IL1RAPL2: variants seen among roughly 807,000 people sequenced by gnomAD.
IL1RAPL2 encodes the protein X-linked interleukin-1 receptor accessory protein-like 2.
In IL1RAPL2, 3 loss-of-function variants were observed where a neutral mutation model predicts 44.1. The observed-to-expected ratio is 0.07, with a 90% CI of 0.03 to 0.18. The LOEUF (loss-of-function observed/expected upper bound fraction) is 0.18. IL1RAPL2 is among the 10% of genes least tolerant of loss of function. The pLI is 1.00. For missense variants in IL1RAPL2, 391 were observed against 496.4 expected, an observed-to-expected ratio of 0.79 and a Z score of 2.02; for synonymous variants, 181 against 178.8, an observed-to-expected ratio of 1.01 and a Z score of -0.10.
chrX:105,391,177 T>C (rs1416366696), intron 5 of IL1RAPL2, among the ~76,000 whole-genome samples: 2 of 111,662 alleles, frequency 1.8e-5, no homozygotes, highest in African/African-American at 3.3e-5. Flanking sequence ...GACTTCAGAA[T>C]GAATAATAAT....
At chrX:105,747,882 T>C (rs1329811084) in intron 8 of IL1RAPL2, among the ~76,000 whole-genome samples, 1 of 111,042 alleles carries the variant, frequency 9.0e-6, no homozygotes, top group Admixed American at 9.6e-5. Flanking sequence ...GAATTAGTAC[T>C]AAAATAGTCA....
At chrX:105,699,691 C>T in intron 6 of IL1RAPL2, among the ~76,000 whole-genome samples, 1 of 111,609 alleles carries the variant, frequency 9.0e-6, no homozygotes, top group East Asian at 2.9e-4. Context: ...CTGTGACCTT[C>T]TCAAGAGTCC....
rs773999518 is a variant in IL1RAPL2 at position 104,907,689 on chromosome X, C to T, written c.82+248694C>T. Among the ~76,000 whole-genome samples the T allele has an allele frequency of 4.0e-4, 44 of 110,513 alleles. No individual in the cohort carries two copies. The South Asian group carries it at 5.5e-3, about 14-fold the overall frequency. ...GAGATAGTTTGTTATAATTTCTGTT[C>T]TTTTACATTTGCTGAGGAGAGCTTT... is the stretch of plus-strand genomic sequence containing the variant. On this transcript the variant is annotated intron_variant, in intron 2 of 10. Coordinates refer to ENST00000372582, the MANE Select transcript of IL1RAPL2 (RefSeq NM_017416.2).
intron 2 of IL1RAPL2, among the ~76,000 whole-genome samples, chrX:104,915,906 C>G (rs1182774015): frequency 5.4e-5 from 6 of 111,631 alleles, no homozygotes; most frequent in Non-Finnish European, 9.4e-5. Context: ...TCTGAGGGCT[C>G]TGTTCTGTTC....
intron 4 of IL1RAPL2, among the ~76,000 whole-genome samples, chrX:105,262,988 C>T (rs926807869): frequency 1.7e-4 from 19 of 110,057 alleles, no homozygotes; most frequent in Non-Finnish European, 1.1e-4. Flanking sequence ...TGGGTTCAAG[C>T]GATTCTCCTG....
intron 2 of IL1RAPL2, among the ~76,000 whole-genome samples, chrX:104,855,746 C>T (rs1253576100): frequency 1.0e-5 from 1 of 97,971 alleles, no homozygotes; most frequent in East Asian, 3.4e-4. Flanking sequence ...GACACTGTAG[C>T]CTCGACCTGC....
intron 6 of IL1RAPL2, among the ~76,000 whole-genome samples, chrX:105,699,993 G>A (rs746142797): frequency 9.0e-6 from 1 of 111,509 alleles, no homozygotes; most frequent in East Asian, 2.8e-4. Context: ...CTGTTGTTTT[G>A]TTTTAAATAT....
chrX:104,696,523 G>A (rs952116054), intron 2 of IL1RAPL2, among the ~76,000 whole-genome samples: 7 of 111,910 alleles, frequency 6.3e-5, no homozygotes, highest in Admixed American at 9.5e-5. Context: ...ACTAGTTTGC[G>A]GGACAGATAT....
At chrX:105,640,107 T>C (rs1305319335) in intron 6 of IL1RAPL2, among the ~76,000 whole-genome samples, 5 of 111,545 alleles carry the variant, frequency 4.5e-5, no homozygotes, top group Non-Finnish European at 7.5e-5. Flanking sequence ...CTGAAGACTA[T>C]AGGAATTGCT....
chrX:105,488,586 C>A (rs2036287544), intron 6 of IL1RAPL2, among the ~76,000 whole-genome samples: 1 of 112,233 alleles, frequency 8.9e-6, no homozygotes, highest in Non-Finnish European at 1.9e-5. Context: ...TAGTAGATAA[C>A]CTGAACAAAC....
At chrX:105,501,830 T>G (rs960238645) in intron 6 of IL1RAPL2, among the ~76,000 whole-genome samples, 20 of 112,107 alleles carry the variant, frequency 1.8e-4, no homozygotes, top group Middle Eastern at 4.6e-3. Context: ...GCCATTCTGC[T>G]GGATCCCCCA....
chrX:105,072,629 T>C (rs1389870950), intron 2 of IL1RAPL2, among the ~76,000 whole-genome samples: 1 of 111,371 alleles, frequency 9.0e-6, no homozygotes, highest in African/African-American at 3.3e-5. Flanking sequence ...AAGATCACTC[T>C]TATTCTTTTT....
chrX:105,307,352 C>T (rs1293643888), intron 5 of IL1RAPL2, among the ~76,000 whole-genome samples: 1 of 89,567 alleles, frequency 1.1e-5, no homozygotes, highest in African/African-American at 4.1e-5. Context: ...GGGAGGATTG[C>T]TTGAGTCCAG....
chrX:105,157,053 AACAAGATC>A (rs202158340), intron 2 of IL1RAPL2, among the ~76,000 whole-genome samples: 5,988 of 105,953 alleles, frequency 0.057, 529 homozygotes, highest in African/African-American at 0.2. Context: ...AAGAGTATTG[AACAAGATC>A]ACAAGATCAC....
At chrX:105,609,577 T>C (rs1163264370) in intron 6 of IL1RAPL2, among the ~76,000 whole-genome samples, 1 of 112,041 alleles carries the variant, frequency 8.9e-6, no homozygotes, top group Non-Finnish European at 1.9e-5. Context: ...ATGGCGAAGA[T>C]GTTTCTGTCC....
In IL1RAPL2 at chrX:105,659,459, C is replaced by T. The variant is rs372063271; in HGVS notation, c.773-57908C>T. Among the ~76,000 whole-genome samples, 6 of 109,612 alleles carry T rather than the reference C, an allele frequency of 5.5e-5. No homozygotes were observed. In the East Asian group the frequency reaches 1.2e-3, roughly 21 times the overall value. The stretch of plus-strand genomic sequence containing the variant: ...GATCACGAGGTCAGCAGATCGAGAC[C>T]ATCCTGGCTAAAACGGTGAAACCCC... On this transcript the variant is annotated intron_variant, in intron 6 of 10. Coordinates refer to ENST00000372582, the MANE Select transcript of IL1RAPL2 (RefSeq NM_017416.2).
intron 6 of IL1RAPL2, among the ~76,000 whole-genome samples, chrX:105,501,581 A>G (rs769616983): frequency 9.0e-6 from 1 of 111,027 alleles, no homozygotes; most frequent in Non-Finnish European, 1.9e-5. Flanking sequence ...CCTTACTCGC[A>G]TCACTGCAAT....
rs957744019 is a variant in IL1RAPL2 at position 105,077,173 on chromosome X, A to G, written c.83-118302A>G. Reference sequence around the variant, plus strand: ...TTACAATTTGTCATGTTTTTGCAGTAGCTGGTACCGGTTGTTCCTTTCCAT... The same window carrying G: ...TTACAATTTGTCATGTTTTTGCAGTGGCTGGTACCGGTTGTTCCTTTCCAT... On this transcript the variant is annotated intron_variant, in intron 2 of 10. Coordinates refer to ENST00000372582, the MANE Select transcript of IL1RAPL2 (RefSeq NM_017416.2). 7.4e-3 allele frequency among the ~76,000 whole-genome samples: 829 copies of G among 111,655 alleles called. 14 individuals are homozygous for G. The highest frequency in any genetic ancestry group is 0.025 in the African/African-American group (774 of 30,674).
At chrX:105,522,089 A>G (rs1279554963) in intron 6 of IL1RAPL2, among the ~76,000 whole-genome samples, 1 of 112,021 alleles carries the variant, frequency 8.9e-6, no homozygotes, top group Non-Finnish European at 1.9e-5. Context: ...ACGTTGAGCC[A>G]TCAGTGAATT....
Sources: allele counts gnomAD v4.1 joint callset (sites outside exome capture counted in the v4.1 genomes callset), GRCh38; gene constraint gnomAD v4.1.1; transcripts MANE v1.5; gene names NCBI Gene and HGNC (gene_info 2026-07-23, HGNC 2026-07-21).